The following IGF2R variants were observed in gnomAD, a reference collection of about 807,000 sequenced individuals.
IGF2R encodes insulin like growth factor 2 receptor, also known as cation-independent mannose-6-phosphate receptor.
In IGF2R, 91 loss-of-function variants were observed where a neutral mutation model predicts 270.6. The ratio of observed to expected loss-of-function variants is 0.34; its 90% CI spans 0.28 to 0.40. IGF2R has a LOEUF of 0.40. Ranked by LOEUF, IGF2R falls within the 10% of genes least tolerant of loss-of-function variation. The probability of loss-of-function intolerance (pLI) is 1.00; values close to 1 mark genes in which losing one functional copy is unlikely to be tolerated. For missense variants in IGF2R, 2,805 were observed against 3,188.3 expected (o/e 0.88, Z 2.90); for synonymous variants, 1,316 against 1,258.9 (o/e 1.05, Z -0.96).
At chr6:160,065,008 A>G (rs1778533226) in intron 29 of IGF2R, 107 bp downstream of exon 29, 1 of 740,658 alleles carries the variant, frequency 1.4e-6, no homozygotes, top group Non-Finnish European at 2.4e-6. Context: ...CAGTTAATTT[A>G]CCTAGGACTC....
chr6:160,039,759 G>C (rs1445187660), intron 10 of IGF2R, among the ~76,000 whole-genome samples: 1 of 152,136 alleles, frequency 6.6e-6, no homozygotes, highest in African/African-American at 2.4e-5. Flanking sequence ...AAAGGTGCAG[G>C]GATAGGATTT....
In IGF2R at chr6:160,048,507, T is replaced by A; in HGVS notation, c.2478T>A (p.Tyr826Ter). 3 of 1,613,982 alleles carry A rather than the reference T, an allele frequency of 1.9e-6. No individual in the cohort carries two copies. The highest frequency in any genetic ancestry group is 2.5e-6 in the Non-Finnish European group (3 of 1,179,984). ...PLNPVPGCNR[Y>*]ASACQMKYEK... ...ATCCAGTGCCGGGCTGCAACCGATA[T>A]GCATCGGCTTGCCAGATGAAGTATG... The change falls in exon 18 of 48, where the codon TAT becomes TAA. Residue 826 changes from tyrosine to a stop codon, truncating the protein, a stop_gained. Transcript: ENST00000356956. LOFTEE classifies it high-confidence loss of function.
Position 160,084,790 on chromosome 6 carries a change from GTTGGT to G in IGF2R, c.6069-204_6069-200del, listed in dbSNP as rs1779063568. On this transcript the variant is annotated intron_variant, in intron 40 of 47. Coordinates refer to ENST00000356956, the MANE Select transcript of IGF2R (RefSeq NM_000876.4). This position sits in a 1 kb window ranked among gnomAD's most constrained non-coding sequence, Gnocchi z 4.6. The stretch of plus-strand genomic sequence containing the variant: ...GGACATTCCACTCCGCGTGTGTCTG[GTTGGT>G]GAGCTCCCTTCTTCAGTGAAGACTT... Among the ~76,000 whole-genome samples the G allele has an allele frequency of 6.6e-6, 1 of 152,066 alleles. No individual in the cohort carries two copies. Among genetic ancestry groups the G allele is most frequent in the Non-Finnish European group, 1.5e-5 (1 of 68,016 alleles).
chr6:159,999,018 C>T (rs1295497082), intron 2 of IGF2R, among the ~76,000 whole-genome samples: 2 of 152,130 alleles, frequency 1.3e-5, no homozygotes, highest in Non-Finnish European at 2.9e-5. Context: ...TGCAAATCTG[C>T]CCCCGAAGTC....
rs2114748844 is a variant in IGF2R, at chr6:160,106,356, G to A, written c.*1272G>A. ...ATGACTTTTCTCGCATTGTAGAATTGTATATAGACTCTGGTGTTCTATTGC... is the reference window on the plus strand; with the variant it reads ...ATGACTTTTCTCGCATTGTAGAATTATATATAGACTCTGGTGTTCTATTGC... On this transcript the variant is annotated 3_prime_UTR_variant, in exon 48 of 48. Transcript: ENST00000356956. 6.5e-6 allele frequency: 1 copy of A among 152,746 alleles called. No homozygotes were observed. Among genetic ancestry groups the A allele is most frequent in the Admixed American group, 6.5e-5 (1 of 15,292 alleles). 9.5% of individuals were successfully genotyped at this position (152,746 alleles called of 1,614,324 possible). A position where few individuals can be genotyped will look rare whatever the true frequency, so the allele number is the denominator to read the frequency against.
intron 46 of IGF2R, 47 bp from the exon 47 acceptor site, chr6:160,103,699 A>G: frequency 7.0e-7 from 1 of 1,421,572 alleles, no homozygotes; most frequent in Admixed American, 1.7e-5. Context: ...GCTCCTGCCC[A>G]TGCCCTCTCT....
intron 44 of IGF2R, chr6:160,093,483 G>A (rs1434372476): frequency 2.1e-5 from 11 of 526,010 alleles, no homozygotes; most frequent in African/African-American, 3.8e-5. Flanking sequence ...GAAGGAGACT[G>A]GCTTTTCCCA....
intron 44 of IGF2R, chr6:160,092,951 C>T (rs1053049228): frequency 1.7e-4 from 26 of 152,316 alleles, no homozygotes; most frequent in African/African-American, 5.1e-4. Context: ...CAACAGCACA[C>T]TGAAGGGGTT....
chr6:160,089,172 C>G lies in IGF2R; in HGVS notation c.6386C>G (p.Pro2129Arg). The G allele has an allele frequency of 6.2e-7, 1 of 1,614,068 alleles. No homozygotes were observed. The highest frequency in any genetic ancestry group is 8.5e-7 in the Non-Finnish European group (1 of 1,179,924). Residue 2129 changes from proline (P) to arginine (R), a missense_variant, in exon 43 of 48, where the codon CCT becomes CGT. Physicochemically the swap from Pro to Arg is moderately radical, Grantham distance 103 (BLOSUM62 -2). Around this residue, in one of 2 missense-constraint regions of IGF2R, gnomAD observed 1,851 missense variants for 2,207.2 expected, o/e 0.84. Transcript: ENST00000356956. ...WDSRAACAVK[P>R]QEVQMVNGTI... The stretch of plus-strand genomic sequence containing the variant: ...TCCCGGGCTGCCTGCGCCGTGAAGC[C>G]TCAGGAGGTGCAGATGGTGAATGGG...
At chr6:160,009,174 A>T in intron 3 of IGF2R, 40 bp downstream of exon 3, 1 of 1,579,440 alleles carries the variant, frequency 6.3e-7, no homozygotes, top group Middle Eastern at 1.7e-4. Context: ...CTTTAAAAAA[A>T]AAAAGGTCTG....
At chr6:159,975,754 T>A (rs1219247048) in intron 1 of IGF2R, among the ~76,000 whole-genome samples, 3 of 147,450 alleles carry the variant, frequency 2.0e-5, no homozygotes, top group African/African-American at 4.9e-5. Context: ...ATATATATAT[T>A]ATAGTGTATA....
In IGF2R at chr6:160,073,814, C is replaced by T. The variant is rs774207329; in HGVS notation, c.5005C>T (p.Arg1669Cys). 41 of 1,614,008 alleles carry T rather than the reference C, an allele frequency of 2.5e-5. No individual in the cohort carries two copies. Among genetic ancestry groups the T allele is most frequent in the Non-Finnish European group, 2.8e-5 (33 of 1,179,994 alleles). ...SIVDLSPLIH[R>C]TGGYEAYDES... ...TGTTGACTTGTCTCCCCTTATTCAT[C>T]GCACTGGTGGTTATGAGGCTTATGA... is the stretch of plus-strand genomic sequence containing the variant. Residue 1669 changes from arginine to cysteine, a missense_variant, in exon 35 of 48, where the codon CGC (arginine) becomes TGC (cysteine). By Grantham distance (180) the Arg-to-Cys change is radical. Coordinates refer to ENST00000356956, the MANE Select transcript of IGF2R (RefSeq NM_000876.4).
In IGF2R at chr6:160,073,741, C is replaced by G; in HGVS notation, c.4948-16C>G. The G allele has an allele frequency of 6.2e-7, 1 of 1,607,394 alleles. No individual in the cohort carries two copies. The highest frequency in any genetic ancestry group is 8.5e-7 in the Non-Finnish European group (1 of 1,174,362). Reference sequence around the variant, plus strand: ...AATTTTTTTGTAGACTCAAAGCAGTCTTTCCTACTTAACAGACCGAATGTT... The same window carrying G: ...AATTTTTTTGTAGACTCAAAGCAGTGTTTCCTACTTAACAGACCGAATGTT... On this transcript the variant is annotated splice_polypyrimidine_tract_variant and intron_variant, in intron 34 of 47. Coordinates refer to ENST00000356956, the MANE Select transcript of IGF2R (RefSeq NM_000876.4).
At chr6:159,995,602 G>A (rs569919983) in intron 2 of IGF2R, among the ~76,000 whole-genome samples, 1 of 151,874 alleles carries the variant, frequency 6.6e-6, no homozygotes, top group African/African-American at 2.4e-5. Flanking sequence ...CTTTTCTGCT[G>A]GTCTAGTCTG....
At chr6:160,046,175 G>T (rs1778065102) in intron 14 of IGF2R, among the ~76,000 whole-genome samples, 1 of 152,174 alleles carries the variant, frequency 6.6e-6, no homozygotes, top group African/African-American at 2.4e-5. Flanking sequence ...CTCTGAGGGA[G>T]ACCTTACAAG....
rs1023717123 is a variant in IGF2R, at chr6:160,109,690, G to T, written c.*4606G>T. The T allele has an allele frequency of 6.6e-6, 1 of 152,158 alleles. No homozygotes were observed. The highest frequency in any genetic ancestry group is 1.5e-5 in the Non-Finnish European group (1 of 68,046). The allele number at this position is 152,158 out of a possible 1,614,324, so 9.4% of individuals were successfully genotyped here. On this transcript the variant is annotated 3_prime_UTR_variant, in exon 48 of 48. Coordinates refer to ENST00000356956, the MANE Select transcript of IGF2R (RefSeq NM_000876.4). The stretch of plus-strand genomic sequence containing the variant: ...GTTGCAGGTGATCATTGTGCCATTT[G>T]GTTTACTTCTGTCTGGAAAGTTTCT...
At chr6:160,056,583 ACCC>A in intron 20 of IGF2R, 58 bp downstream of exon 20, 7 of 1,129,918 alleles carry the variant, frequency 6.2e-6, no homozygotes, top group Non-Finnish European at 8.1e-6. Context: ...TCCTCAACTC[ACCC>A]CAGTGTTCCA....
chr6:160,030,822 G>GTTT (rs554469035), intron 7 of IGF2R, among the ~76,000 whole-genome samples: 3 of 133,662 alleles, frequency 2.2e-5, no homozygotes, highest in Non-Finnish European at 4.9e-5. Context: ...AGTTCCCTCT[G>GTTT]TTTTTTTTTT....
At position 160,043,287 on chromosome 6, in the gene IGF2R, G is replaced by A; in HGVS notation, c.1620G>A (p.Val540=). ...CCGAGGACGCGGCAGTGTGTGCAGT[G>A]GGTGAGTTGTGCCTGGATGGAAGAT... ...GCPEDAAVCA[V]DKNGSKNLGK... is the part of the protein sequence containing the mutation. The change falls in exon 12 of 48, where the codon GTG becomes GTA. Residue 540 remains valine, a splice_region_variant and synonymous_variant. Transcript: ENST00000356956. The A allele has an allele frequency of 3.7e-6, 6 of 1,613,096 alleles. No homozygotes were observed. Among genetic ancestry groups the A allele is most frequent in the Non-Finnish European group, 5.1e-6 (6 of 1,179,532 alleles).
Sources: gnomAD v4.1 joint callset for allele counts (sites outside exome capture counted in the v4.1 genomes callset) on GRCh38, gnomAD v4.1.1 for gene constraint, gnomAD v4.1.1 regional missense constraint, Gnocchi (gnomAD v3.1) non-coding constraint, MANE v1.5 for transcripts, NCBI Gene and HGNC (gene_info 2026-07-23, HGNC 2026-07-21) for gene names.